The following JPH3 variants were observed in gnomAD, a reference collection of about 807,000 sequenced individuals.
JPH3 encodes the protein junctophilin-3.
In JPH3, 11 loss-of-function variants were observed where a neutral mutation model predicts 59.6. That is an observed-to-expected ratio of 0.18 (90% CI 0.12 to 0.31). JPH3 has a LOEUF of 0.31. Ranked by LOEUF, JPH3 falls within the 10% of genes least tolerant of loss-of-function variation. The pLI is 1.00. For missense variants in JPH3, 1,202 were observed against 1,105.7 expected (o/e 1.09, Z -1.24); for synonymous variants, 673 against 483.6 (o/e 1.39, Z -5.14).
Position 87,690,534 on chromosome 16 carries a change from G to C in JPH3, c.2166+8G>C. 2.1e-6 allele frequency: 3 copies of C among 1,461,128 alleles called. No homozygotes were observed. The highest frequency in any genetic ancestry group is 2.7e-6 in the Non-Finnish European group (3 of 1,106,920). The allele number at this position is 1,461,128 out of a possible 1,614,324, so 90.5% of individuals were successfully genotyped here. ...GAGCTCAAGTCCAGTACGGTGAGTG[G>C]GCGGCCACCAGGCTGGTCCCAGTGG... On this transcript the variant is annotated splice_region_variant and intron_variant, in intron 4 of 4. Coordinates refer to ENST00000284262, the MANE Select transcript of JPH3 (RefSeq NM_020655.4).
intron 1 of JPH3, among the ~76,000 whole-genome samples, chr16:87,613,322 A>G (rs551001004): frequency 6.6e-6 from 1 of 151,258 alleles, no homozygotes; most frequent in East Asian, 2.0e-4. Context: ...GATGGTCTCG[A>G]TCTCCTGACC....
chr16:87,636,589 G>A (rs1201832751), intron 1 of JPH3, among the ~76,000 whole-genome samples: 2 of 152,250 alleles, frequency 1.3e-5, no homozygotes, highest in Non-Finnish European at 2.9e-5. Flanking sequence ...CTGCTGTGGG[G>A]TGATGAGGTC....
intron 1 of JPH3, among the ~76,000 whole-genome samples, chr16:87,642,708 C>T (rs114306508): frequency 0.023 from 3,497 of 152,292 alleles, 142 homozygotes; most frequent in African/African-American, 0.08. Context: ...AGGTTTGCCG[C>T]GTTGGGCGTC....
intron 1 of JPH3, among the ~76,000 whole-genome samples, chr16:87,640,691 C>G (rs1161493910): frequency 1.3e-5 from 2 of 152,220 alleles, no homozygotes; most frequent in Admixed American, 6.5e-5. Context: ...CCCCACCCAG[C>G]CAACAAACGC....
At chr16:87,667,133 G>A (rs112278522) in intron 2 of JPH3, among the ~76,000 whole-genome samples, 2 of 152,318 alleles carry the variant, frequency 1.3e-5, no homozygotes, top group East Asian at 1.9e-4. Context: ...GAGTGGCCAC[G>A]TCACTTGTTG....
intron 1 of JPH3, among the ~76,000 whole-genome samples, chr16:87,642,449 T>C (rs543649688): frequency 2.6e-5 from 4 of 152,228 alleles, no homozygotes; most frequent in Non-Finnish European, 4.4e-5. Flanking sequence ...TGAATTTTTA[T>C]GTCAAATCTC....
intron 2 of JPH3, among the ~76,000 whole-genome samples, chr16:87,659,003 G>A (rs930040133): frequency 3.3e-5 from 5 of 152,338 alleles, no homozygotes; most frequent in South Asian, 2.1e-4. Context: ...AGACCTGGGC[G>A]GTCACTTAGT....
At chr16:87,659,664 C>T (rs904921461) in intron 2 of JPH3, among the ~76,000 whole-genome samples, 2 of 151,550 alleles carry the variant, frequency 1.3e-5, no homozygotes, top group African/African-American at 2.4e-5. Flanking sequence ...ACGCAGGAGA[C>T]GAAGGTTGCA....
In JPH3 at chr16:87,644,779, G is replaced by A. The variant is rs751551858; in HGVS notation, c.904G>A (p.Val302Met). 3.8e-5 allele frequency: 62 copies of A among 1,613,120 alleles called. No homozygotes were observed. In the East Asian group the frequency reaches 5.6e-4, roughly 15 times the overall value. ...WKNDKRSGFG[V>M]SQRSDGLKYE... Reference sequence around the variant, plus strand: ...GAACGACAAACGCTCCGGCTTCGGCGTGAGCCAGCGCTCGGACGGGCTCAA... The same window carrying A: ...GAACGACAAACGCTCCGGCTTCGGCATGAGCCAGCGCTCGGACGGGCTCAA... Residue 302 changes from valine to methionine, a missense_variant, in exon 2 of 5, where the codon GTG becomes ATG. By Grantham distance (21) the Val-to-Met change is conservative. Transcript: ENST00000284262.
chr16:87,627,515 C>T (rs2031421108), intron 1 of JPH3, among the ~76,000 whole-genome samples: 1 of 152,188 alleles, frequency 6.6e-6, no homozygotes, highest in Non-Finnish European at 1.5e-5. Flanking sequence ...CCGTTCCTCC[C>T]AGTGCCTTTG....
chr16:87,674,513 C>G (rs143396331), intron 2 of JPH3, among the ~76,000 whole-genome samples: 131 of 152,238 alleles, frequency 8.6e-4, no homozygotes, highest in African/African-American at 3.1e-3. Context: ...ACACCCATGA[C>G]AGAGTAAAAG....
At chr16:87,604,934 G>T (rs903229521) in intron 1 of JPH3, 3 of 451,896 alleles carry the variant, frequency 6.6e-6, no homozygotes, top group African/African-American at 6.0e-5. Flanking sequence ...GGCGCTGAGG[G>T]CCGGGCGGGA....
In JPH3 at chr16:87,696,915, AG is replaced by A. The variant is rs2142857443; in HGVS notation, c.*256del. ...GCATGGCAGAAGGAGGCCAGCACGC[AG>A]CCCCTCCAGCTCCACGTGGAGACAG... On this transcript the variant is annotated 3_prime_UTR_variant, in exon 5 of 5. Coordinates refer to ENST00000284262, the MANE Select transcript of JPH3 (RefSeq NM_020655.4). 2.1e-6 allele frequency: 1 copy of A among 469,368 alleles called. No homozygotes were observed. Among genetic ancestry groups the A allele is most frequent in the East Asian group, 4.2e-5 (1 of 24,092 alleles). 29.1% of individuals were successfully genotyped at this position (469,368 alleles called of 1,614,324 possible).
At chr16:87,686,714 T>G (rs547181868) in intron 3 of JPH3, among the ~76,000 whole-genome samples, 4 of 148,584 alleles carry the variant, frequency 2.7e-5, no homozygotes, top group African/African-American at 7.5e-5. Flanking sequence ...CAGTCCTGGA[T>G]TCAGAGGAGA....
In JPH3 at chr16:87,644,254, C is replaced by G; in HGVS notation, c.383-4C>G. On this transcript the variant is annotated splice_region_variant and splice_polypyrimidine_tract_variant and intron_variant, in intron 1 of 4. Transcript: ENST00000284262. ...CACTCACCCCTCTCTCATTTTCTCCCCAGGGACCTACCAGGGCCAGTGGGT... is the reference window on the plus strand; with the variant it reads ...CACTCACCCCTCTCTCATTTTCTCCGCAGGGACCTACCAGGGCCAGTGGGT... The G allele has an allele frequency of 1.9e-6, 3 of 1,600,780 alleles. No homozygotes were observed. Among genetic ancestry groups the G allele is most frequent in the Non-Finnish European group, 2.6e-6 (3 of 1,173,536 alleles).
intron 2 of JPH3, among the ~76,000 whole-genome samples, chr16:87,656,333 G>A (rs1343242406): frequency 6.6e-6 from 1 of 152,232 alleles, no homozygotes; most frequent in African/African-American, 2.4e-5. Flanking sequence ...TCCTGAGACG[G>A]GGGGTGGGTT....
In JPH3 at chr16:87,639,654, G is replaced by A. The variant is rs374324606; in HGVS notation, c.383-4604G>A. ...CTCCTGGCCTCCCGCCTGTCCTCCC[G>A]CCTGTCCTCCCTCCTGTCCTCCCTC... On this transcript the variant is annotated intron_variant, in intron 1 of 4. Coordinates refer to ENST00000284262, the MANE Select transcript of JPH3 (RefSeq NM_020655.4). 6.8e-3 allele frequency among the ~76,000 whole-genome samples: 1,021 copies of A among 149,968 alleles called. 2 individuals carry two copies. Among genetic ancestry groups the A allele is most frequent in the Non-Finnish European group, 0.011 (751 of 67,380 alleles).
intron 4 of JPH3, among the ~76,000 whole-genome samples, chr16:87,691,465 G>T (rs935379881): frequency 9.2e-5 from 14 of 152,206 alleles, no homozygotes; most frequent in Non-Finnish European, 1.5e-4. Flanking sequence ...GGACGCAGGG[G>T]GGTGTCCGCA....
intron 2 of JPH3, among the ~76,000 whole-genome samples, chr16:87,655,771 G>T (rs1402330350): frequency 6.6e-6 from 1 of 152,250 alleles, no homozygotes; most frequent in Non-Finnish European, 1.5e-5. Context: ...GGCCCCCCGT[G>T]TGGGGAACCA....
Sources: gnomAD v4.1 joint callset for allele counts (sites outside exome capture counted in the v4.1 genomes callset) on GRCh38, gnomAD v4.1.1 for gene constraint, MANE v1.5 for transcripts, NCBI Gene and HGNC (gene_info 2026-07-23, HGNC 2026-07-21) for gene names.